Variants in PARD3B observed in about 807,000 individuals in gnomAD.
The protein encoded by PARD3B is partitioning defective 3 homolog B.
Under a neutral mutation model 130.2 loss-of-function variants are expected in PARD3B, and 103 were observed. The ratio of observed to expected loss-of-function variants is 0.79; its 90% CI spans 0.67 to 0.93. The LOEUF is 0.93. Ranked by LOEUF, PARD3B falls within the 40% of genes least tolerant of loss-of-function variation. PARD3B has a pLI of 0.00. For synonymous variants in PARD3B, 583 were observed against 553.2 expected (o/e 1.05, Z -0.76); for missense variants, 1,609 against 1,499.2 (o/e 1.07, Z -1.21).
At chr2:204,946,310 A>T (rs144270277) in intron 2 of PARD3B, among the ~76,000 whole-genome samples, 12 of 152,334 alleles carry the variant, frequency 7.9e-5, no homozygotes, top group African/African-American at 2.6e-4. Context: ...CTCATCCAGC[A>T]TTACTAAACA....
intron 2 of PARD3B, among the ~76,000 whole-genome samples, chr2:204,737,636 T>C (rs2039815804): frequency 6.6e-6 from 1 of 152,246 alleles, no homozygotes; most frequent in Non-Finnish European, 1.5e-5. Context: ...ATCTTAGTCA[T>C]GAATTCTTTG....
intron 4 of PARD3B, among the ~76,000 whole-genome samples, chr2:205,087,553 G>T (rs1161946408): frequency 6.6e-6 from 1 of 151,948 alleles, no homozygotes; most frequent in East Asian, 1.9e-4. Context: ...ATTTTAGTAG[G>T]TTGTCTACAT....
intron 19 of PARD3B, among the ~76,000 whole-genome samples, chr2:205,406,525 C>A (rs2046419959): frequency 1.3e-5 from 2 of 151,818 alleles, no homozygotes; most frequent in Admixed American, 6.6e-5. Context: ...AGTCACTGAT[C>A]TATTTCCTTT....
chr2:204,660,836 T>G (rs1475130298), intron 1 of PARD3B, among the ~76,000 whole-genome samples: 1 of 152,258 alleles, frequency 6.6e-6, no homozygotes, highest in Non-Finnish European at 1.5e-5. Flanking sequence ...GAAAATCTAG[T>G]TGATCTTAAC....
At chr2:205,236,663 C>T (rs2039075768) in intron 15 of PARD3B, among the ~76,000 whole-genome samples, 1 of 152,086 alleles carries the variant, frequency 6.6e-6, no homozygotes, top group African/African-American at 2.4e-5. Flanking sequence ...TATATCATGA[C>T]CAAGAAGATT....
At chr2:204,986,961 TTC>T (rs1693209915) in intron 3 of PARD3B, among the ~76,000 whole-genome samples, 2 of 152,228 alleles carry the variant, frequency 1.3e-5, no homozygotes, top group South Asian at 4.1e-4. Context: ...GAGAAAATGT[TTC>T]TTTTAGGGAG....
chr2:205,027,078 A>G (rs1400149122), intron 3 of PARD3B, among the ~76,000 whole-genome samples: 2 of 152,302 alleles, frequency 1.3e-5, no homozygotes, highest in East Asian at 1.9e-4. Context: ...CTTTGGATAT[A>G]TGGCTGGACC....
intron 2 of PARD3B, among the ~76,000 whole-genome samples, chr2:204,844,451 A>G (rs78191126): frequency 0.026 from 3,891 of 152,250 alleles, 144 homozygotes; most frequent in East Asian, 0.15. Context: ...TGTAATTTCA[A>G]TGAGCTATAA....
intron 2 of PARD3B, among the ~76,000 whole-genome samples, chr2:204,717,005 G>A (rs571326650): frequency 6.6e-6 from 1 of 152,288 alleles, no homozygotes; most frequent in African/African-American, 2.4e-5. Flanking sequence ...TTAGGTTGAT[G>A]TAGTTTGGAG....
At chr2:204,597,548 T>G (rs2033349628) in intron 1 of PARD3B, among the ~76,000 whole-genome samples, 1 of 152,216 alleles carries the variant, frequency 6.6e-6, no homozygotes, top group Admixed American at 6.5e-5. Flanking sequence ...TGCAAACTTA[T>G]TTCAGTTCTT....
At chr2:204,674,427 A>G (rs2036439518) in intron 1 of PARD3B, among the ~76,000 whole-genome samples, 1 of 151,320 alleles carries the variant, frequency 6.6e-6, no homozygotes, top group Admixed American at 6.6e-5. Flanking sequence ...AGTAGCAGGT[A>G]GTATTATCCC....
intron 16 of PARD3B, among the ~76,000 whole-genome samples, chr2:205,295,500 G>C (rs1045678384): frequency 6.6e-6 from 1 of 152,112 alleles, no homozygotes; most frequent in Non-Finnish European, 1.5e-5. Context: ...TTATTGGAAT[G>C]TACAAATTAA....
chr2:204,573,905 T>C (rs1232917364), intron 1 of PARD3B, among the ~76,000 whole-genome samples: 1 of 152,244 alleles, frequency 6.6e-6, no homozygotes, highest in Non-Finnish European at 1.5e-5. Context: ...CAGGGTTAAC[T>C]ACTTTCTTTA....
intron 2 of PARD3B, among the ~76,000 whole-genome samples, chr2:204,877,376 C>A (rs2045885359): frequency 6.6e-6 from 1 of 151,958 alleles, no homozygotes; most frequent in Non-Finnish European, 1.5e-5. Context: ...TGCACATATA[C>A]CCTAGAACTT....
At chr2:205,248,669 C>G (rs1161272012) in intron 16 of PARD3B, among the ~76,000 whole-genome samples, 2 of 137,518 alleles carry the variant, frequency 1.5e-5, no homozygotes, top group East Asian at 2.2e-4. Flanking sequence ...TGCAGTGGCG[C>G]GATCTAGGCT....
At chr2:204,785,984 G>A (rs1247431453) in intron 2 of PARD3B, among the ~76,000 whole-genome samples, 1 of 151,846 alleles carries the variant, frequency 6.6e-6, no homozygotes, top group Non-Finnish European at 1.5e-5. Flanking sequence ...CGTAGGGGTG[G>A]GTGCCTGTAA....
chr2:204,860,337 T>C (rs1244471777), intron 2 of PARD3B, among the ~76,000 whole-genome samples: 1 of 152,144 alleles, frequency 6.6e-6, no homozygotes, highest in Non-Finnish European at 1.5e-5. Context: ...CCAAAAGGTG[T>C]TGGTTTGCTT....
chr2:205,303,674 T>C (rs1230331747), intron 18 of PARD3B, among the ~76,000 whole-genome samples: 5 of 152,154 alleles, frequency 3.3e-5, no homozygotes, highest in Admixed American at 1.3e-4. Context: ...GCTCTGGGCC[T>C]CCTCACTCCA....
At chr2:204,667,919 A>T (rs2036100071) in intron 1 of PARD3B, among the ~76,000 whole-genome samples, 1 of 152,226 alleles carries the variant, frequency 6.6e-6, no homozygotes, top group Non-Finnish European at 1.5e-5. Context: ...AAAGACAAAT[A>T]AGAAAAAGTA....
Sources: gnomAD v4.1 joint callset for allele counts (sites outside exome capture counted in the v4.1 genomes callset) on GRCh38, gnomAD v4.1.1 for gene constraint, MANE v1.5 for transcripts, NCBI Gene and HGNC (gene_info 2026-07-23, HGNC 2026-07-21) for gene names.